Variants in TBC1D22B observed in about 807,000 individuals in gnomAD.
TBC1D22B encodes TBC1 domain family member 22B, also known as chromosome 6 open reading frame 197.
Under a neutral mutation model 69.1 loss-of-function variants are expected in TBC1D22B, and 32 were observed. The ratio of observed to expected loss-of-function variants is 0.46; its 90% confidence interval spans 0.35 to 0.62. The LOEUF (loss-of-function observed/expected upper bound fraction) is 0.62. Among genes scored for constraint, TBC1D22B ranks in the 20% least tolerant of loss-of-function variants. The pLI, the probability that TBC1D22B is intolerant of heterozygous loss-of-function variation, is 0.00. For missense variants in TBC1D22B, 462 were observed against 630.9 expected (o/e 0.73, Z 2.87); for synonymous variants, 206 against 229.8 (o/e 0.90, Z 0.94).
intron 8 of TBC1D22B, among the ~76,000 whole-genome samples, chr6:37,294,058 C>A (rs1767278325): frequency 6.6e-6 from 1 of 152,126 alleles, no homozygotes; most frequent in African/African-American, 2.4e-5. Flanking sequence ...GGTGAAGCGA[C>A]AAGTGCTGAT....
At chr6:37,330,222 C>CTTTTTTTTTTTTTTTTT (rs67372032) in intron 12 of TBC1D22B, among the ~76,000 whole-genome samples, 2 of 75,582 alleles carry the variant, frequency 2.6e-5, no homozygotes, top group African/African-American at 5.6e-5. Flanking sequence ...TTGTCCGTTT[C>CTTTTTTTTTTTTTTTTT]TTTTTTTTTT....
chr6:37,269,272 G>T (rs1234103171), intron 1 of TBC1D22B, among the ~76,000 whole-genome samples: 1 of 152,148 alleles, frequency 6.6e-6, no homozygotes, highest in Non-Finnish European at 1.5e-5. Context: ...GAAGTTCATG[G>T]TGGTACTGAG....
At chr6:37,298,103 G>T (rs1288461418) in intron 8 of TBC1D22B, among the ~76,000 whole-genome samples, 1 of 152,134 alleles carries the variant, frequency 6.6e-6, no homozygotes, top group Non-Finnish European at 1.5e-5. Context: ...GTAAATGACA[G>T]GTTGATGGGT....
rs1357379239 is a variant in TBC1D22B at position 37,282,373 on chromosome 6, C to T, written c.601+9C>T. 8 of 1,582,298 alleles carry T rather than the reference C, an allele frequency of 5.1e-6. No homozygotes were observed. Among genetic ancestry groups the T allele is most frequent in the Admixed American group, 3.6e-5 (2 of 56,172 alleles). On this transcript the variant is annotated intron_variant, in intron 4 of 12. Coordinates refer to ENST00000373491, the MANE Select transcript of TBC1D22B (RefSeq NM_017772.4). ...CCAGAACACTGACTTAGGTGAGTCC[C>T]TGTGAGCCCAGGCAAGGTAGGAGCT...
At chr6:37,319,213 T>A (rs1482157724) in intron 12 of TBC1D22B, among the ~76,000 whole-genome samples, 1 of 152,216 alleles carries the variant, frequency 6.6e-6, no homozygotes, top group Non-Finnish European at 1.5e-5. Context: ...AGGCCACTGA[T>A]TAAGAACCAT....
intron 8 of TBC1D22B, among the ~76,000 whole-genome samples, chr6:37,311,621 C>T (rs192236663): frequency 1.9e-4 from 28 of 151,086 alleles, no homozygotes; most frequent in Admixed American, 5.3e-4. Flanking sequence ...TGCAGTGAGC[C>T]GAGATCGTGC....
At chr6:37,272,614 C>G (rs1766527320) in intron 2 of TBC1D22B, among the ~76,000 whole-genome samples, 1 of 152,114 alleles carries the variant, frequency 6.6e-6, no homozygotes, top group Non-Finnish European at 1.5e-5. Context: ...TCTCAAACTC[C>G]CGGACTCAAG....
intron 8 of TBC1D22B, among the ~76,000 whole-genome samples, chr6:37,300,956 C>T (rs1490320050): frequency 3.3e-5 from 5 of 152,056 alleles, no homozygotes; most frequent in Non-Finnish European, 7.3e-5. Context: ...ACCCTCTGAA[C>T]GTCAACCCTC....
At chr6:37,295,750 G>A (rs1767343277) in intron 8 of TBC1D22B, 2 of 292,830 alleles carry the variant, frequency 6.8e-6, no homozygotes, top group Non-Finnish European at 1.4e-5. Flanking sequence ...GTTCCACATG[G>A]CTGGGGAGGC....
intron 7 of TBC1D22B, among the ~76,000 whole-genome samples, chr6:37,288,696 C>T (rs1581596328): frequency 1.3e-5 from 2 of 148,696 alleles, no homozygotes; most frequent in African/African-American, 5.0e-5. Flanking sequence ...GAGCCATGAT[C>T]GTGCTACTGC....
At chr6:37,260,501 A>C (rs868552179) in intron 1 of TBC1D22B, among the ~76,000 whole-genome samples, 1 of 152,316 alleles carries the variant, frequency 6.6e-6, no homozygotes, top group Admixed American at 6.5e-5. Context: ...CATACCATAA[A>C]ATTCACTCTT....
chr6:37,315,144 C>G (rs890721351), intron 10 of TBC1D22B, among the ~76,000 whole-genome samples: 1 of 152,166 alleles, frequency 6.6e-6, no homozygotes, highest in Non-Finnish European at 1.5e-5. Context: ...CCACTGTCTG[C>G]CCTATCCTTA....
intron 8 of TBC1D22B, 50 bp downstream of exon 8, chr6:37,291,407 G>A: frequency 1.5e-6 from 2 of 1,320,578 alleles, no homozygotes; most frequent in Non-Finnish European, 2.1e-6. Context: ...TTTCTTATCT[G>A]CCGTCTGTCT....
intron 1 of TBC1D22B, among the ~76,000 whole-genome samples, chr6:37,267,184 C>T (rs944119317): frequency 6.6e-6 from 1 of 150,736 alleles, no homozygotes; most frequent in Non-Finnish European, 1.5e-5. Context: ...GTTCTCACAC[C>T]TCAGCATCCC....
chr6:37,290,629 A>C (rs961552130), intron 7 of TBC1D22B, among the ~76,000 whole-genome samples: 10 of 152,112 alleles, frequency 6.6e-5, no homozygotes, highest in African/African-American at 2.4e-4. Context: ...ATAGGAGTCC[A>C]TAGGATTTTG....
Position 37,285,315 on chromosome 6 carries a change from C to CTTTTTTTTTTTTTTTT in TBC1D22B, c.801+863_801+878dup, listed in dbSNP as rs756459599. ...GCCAACTCCTTTTGGTCCTTCCCCA[C>CTTTTTTTTTTTTTTTT]TTTTTTTTTTTTTTTTTTTTTTTTT... is the stretch of plus-strand genomic sequence containing the variant. On this transcript the variant is annotated intron_variant, in intron 6 of 12. Transcript: ENST00000373491. Among the ~76,000 whole-genome samples, 14 of 73,562 alleles carry CTTTTTTTTTTTTTTTT rather than the reference C, an allele frequency of 1.9e-4. 2 individuals are homozygous for CTTTTTTTTTTTTTTTT. Among genetic ancestry groups the CTTTTTTTTTTTTTTTT allele is most frequent in the African/African-American group, 7.7e-4 (13 of 16,858 alleles). 48.3% of individuals were successfully genotyped at this position (73,562 alleles called of 152,430 possible).
chr6:37,296,809 C>T (rs1767394128), intron 8 of TBC1D22B, among the ~76,000 whole-genome samples: 1 of 145,890 alleles, frequency 6.9e-6, no homozygotes, highest in African/African-American at 2.5e-5. Flanking sequence ...CACGTGCACA[C>T]ACATATATAT....
chr6:37,310,183 T>C (rs969812884), intron 8 of TBC1D22B, among the ~76,000 whole-genome samples: 2 of 147,582 alleles, frequency 1.4e-5, no homozygotes, highest in Non-Finnish European at 3.0e-5. Flanking sequence ...AAAATATGTA[T>C]GTATACTACC....
At chr6:37,320,819 G>A (rs1253601121) in intron 12 of TBC1D22B, among the ~76,000 whole-genome samples, 1 of 152,216 alleles carries the variant, frequency 6.6e-6, no homozygotes, top group Non-Finnish European at 1.5e-5. Context: ...AGGCACATTT[G>A]CACATAGTAC....
Sources: allele counts gnomAD v4.1 joint callset (sites outside exome capture counted in the v4.1 genomes callset), GRCh38; gene constraint gnomAD v4.1.1; transcripts MANE v1.5; gene names NCBI Gene and HGNC (gene_info 2026-07-23, HGNC 2026-07-21).